DLG2: variants seen among roughly 807,000 people sequenced by gnomAD.
The protein encoded by DLG2 is disks large homolog 2.
Under a neutral mutation model 132.5 loss-of-function variants are expected in DLG2, and 45 were observed. That is an observed-to-expected ratio of 0.34 (90% CI 0.27 to 0.44). DLG2 has a LOEUF of 0.44. Among genes scored for constraint, DLG2 ranks in the 20% least tolerant of loss-of-function variants. DLG2 has a pLI of 1.00. For missense variants in DLG2, 1,045 were observed against 1,196.9 expected, an observed-to-expected ratio of 0.87 and a Z score of 1.87; for synonymous variants, 424 against 419.6, an observed-to-expected ratio of 1.01 and a Z score of -0.13.
intron 7 of DLG2, among the ~76,000 whole-genome samples, chr11:84,399,457 G>A (rs980746825): frequency 4.6e-5 from 7 of 152,034 alleles, no homozygotes; most frequent in South Asian, 2.1e-4. Context: ...AAAGAGTCTC[G>A]CTCTGTCACC....
At chr11:84,579,278 T>C (rs936681354) in intron 6 of DLG2, among the ~76,000 whole-genome samples, 1 of 152,000 alleles carries the variant, frequency 6.6e-6, no homozygotes, top group African/African-American at 2.4e-5. Flanking sequence ...GGGTTCATGA[T>C]TTTTCTTTTG....
At chr11:83,879,040 A>T (rs980016187) in intron 15 of DLG2, among the ~76,000 whole-genome samples, 1 of 152,182 alleles carries the variant, frequency 6.6e-6, no homozygotes, top group African/African-American at 2.4e-5. Flanking sequence ...ACTGTTGCCT[A>T]AAAAATGAAA....
intron 3 of DLG2, among the ~76,000 whole-genome samples, chr11:85,319,492 G>A (rs892021251): frequency 8.6e-5 from 13 of 151,712 alleles, no homozygotes; most frequent in Admixed American, 8.5e-4. Flanking sequence ...ATGTTTTATG[G>A]CTATATCATA....
chr11:85,604,153 C>T (rs924878700), intron 2 of DLG2, among the ~76,000 whole-genome samples: 4 of 152,132 alleles, frequency 2.6e-5, no homozygotes, highest in East Asian at 1.9e-4. Flanking sequence ...TGCCTCTCAT[C>T]GCTGTAGGAT....
chr11:84,038,048 G>A (rs1379587796), intron 11 of DLG2, among the ~76,000 whole-genome samples: 1 of 151,814 alleles, frequency 6.6e-6, no homozygotes, highest in African/African-American at 2.4e-5. Context: ...GGCGGTTTGT[G>A]GTAGATTATT....
At chr11:84,172,410 A>C (rs1320575678) in intron 8 of DLG2, among the ~76,000 whole-genome samples, 1 of 152,156 alleles carries the variant, frequency 6.6e-6, no homozygotes, top group East Asian at 1.9e-4. Flanking sequence ...CTCTAATTTC[A>C]AGTTAAAATT....
intron 3 of DLG2, among the ~76,000 whole-genome samples, chr11:85,574,966 C>T (rs914842059): frequency 2.0e-5 from 3 of 152,084 alleles, no homozygotes; most frequent in Admixed American, 6.6e-5. Flanking sequence ...TTCTCCCACA[C>T]CCTAATCTAA....
chr11:83,526,826 C>A (rs1255835595), intron 21 of DLG2, among the ~76,000 whole-genome samples: 1 of 152,110 alleles, frequency 6.6e-6, no homozygotes, highest in Admixed American at 6.6e-5. Flanking sequence ...AATCCTTCAA[C>A]GCCCCCTAAT....
chr11:84,138,497 G>C (rs1474215566), intron 9 of DLG2, among the ~76,000 whole-genome samples: 1 of 152,184 alleles, frequency 6.6e-6, no homozygotes, highest in East Asian at 1.9e-4. Flanking sequence ...GCTGAAGACA[G>C]CCCGTCCCTA....
At chr11:85,533,248 T>A (rs1413489092) in intron 3 of DLG2, among the ~76,000 whole-genome samples, 2 of 152,030 alleles carry the variant, frequency 1.3e-5, no homozygotes, top group Non-Finnish European at 2.9e-5. Flanking sequence ...AGTCTCGAAC[T>A]CCTGGCCTCA....
At position 84,138,470 on chromosome 11, in the gene DLG2, T is replaced by C. The variant is rs139591497; in HGVS notation, c.624+24991A>G. Among the ~76,000 whole-genome samples, 5 of 152,294 alleles carry C rather than the reference T, an allele frequency of 3.3e-5. No homozygotes were observed. In the East Asian group the frequency reaches 9.7e-4, roughly 29 times the overall value. Reference sequence around the variant, plus strand: ...GATAGGTCAAACGTGTGTTGTAATGTCGATCAAACCAAACAGGCTGAAGAC... The same window carrying C: ...GATAGGTCAAACGTGTGTTGTAATGCCGATCAAACCAAACAGGCTGAAGAC... On this transcript the variant is annotated intron_variant, in intron 9 of 27. Transcript: ENST00000376104.
At chr11:84,447,659 T>C (rs1225977187) in intron 7 of DLG2, among the ~76,000 whole-genome samples, 1 of 152,082 alleles carries the variant, frequency 6.6e-6, no homozygotes, top group African/African-American at 2.4e-5. Context: ...TTTTCTTTTC[T>C]AAGTTTTATT....
chr11:83,752,188 A>G (rs2153737348), intron 18 of DLG2, among the ~76,000 whole-genome samples: 1 of 152,172 alleles, frequency 6.6e-6, no homozygotes, highest in South Asian at 2.1e-4. Flanking sequence ...GAATGGCATG[A>G]ACCCAGGAGG....
chr11:84,733,266 G>A (rs142021173), intron 6 of DLG2, among the ~76,000 whole-genome samples: 71 of 152,180 alleles, frequency 4.7e-4, no homozygotes, highest in African/African-American at 1.7e-3. Context: ...AACAGTGTAA[G>A]AGTGTTCCTA....
chr11:85,602,269 C>T (rs937878318), intron 2 of DLG2, among the ~76,000 whole-genome samples: 8 of 152,204 alleles, frequency 5.3e-5, no homozygotes, highest in Non-Finnish European at 8.8e-5. Flanking sequence ...AATCCCATCA[C>T]TTCTCCCTAC....
chr11:84,913,850 A>G (rs1384705758), intron 6 of DLG2, among the ~76,000 whole-genome samples: 2 of 152,176 alleles, frequency 1.3e-5, no homozygotes, highest in African/African-American at 4.8e-5. Flanking sequence ...ACTTTTCCTA[A>G]CGAGTCTGAA....
At chr11:84,326,979 T>C (rs1252739429) in intron 7 of DLG2, among the ~76,000 whole-genome samples, 4 of 152,094 alleles carry the variant, frequency 2.6e-5, no homozygotes, top group African/African-American at 9.7e-5. Flanking sequence ...TTCTTTATAT[T>C]TTTTAACATT....
chr11:83,597,806 C>G (rs1193112329), intron 19 of DLG2, among the ~76,000 whole-genome samples: 1 of 150,596 alleles, frequency 6.6e-6, no homozygotes, highest in Non-Finnish European at 1.5e-5. Context: ...AACAAACAAA[C>G]AAACAAACAA....
chr11:83,747,047 A>G lies in DLG2; in HGVS notation c.1825+39643T>C, dbSNP rs564010417. On this transcript the variant is annotated intron_variant, in intron 18 of 27. Transcript: ENST00000376104. ...CAAGAAGAAAAGAAAATTGATGGAC[A>G]TATAATAACCTTAAACAGTACCTTG... Among the ~76,000 whole-genome samples the G allele has an allele frequency of 7.9e-5, 12 of 152,356 alleles. No individual in the cohort carries two copies. In the East Asian group the frequency reaches 2.3e-3, roughly 29 times the overall value.
Sources: allele counts gnomAD v4.1 joint callset (sites outside exome capture counted in the v4.1 genomes callset), GRCh38; gene constraint gnomAD v4.1.1; transcripts MANE v1.5; gene names NCBI Gene and HGNC (gene_info 2026-07-23, HGNC 2026-07-21).